The following DMTN variants were observed in gnomAD, a reference collection of about 807,000 sequenced individuals.
DMTN encodes dematin actin binding protein.
A neutral mutation model predicts 59.4 loss-of-function variants in DMTN; 27 were observed. That is an observed-to-expected ratio of 0.45 (90% CI 0.33 to 0.63). The LOEUF (loss-of-function observed/expected upper bound fraction) is 0.63. Among genes scored for constraint, DMTN ranks in the 20% least tolerant of loss-of-function variants. DMTN has a pLI of 0.02. For missense variants in DMTN, 451 were observed against 528.9 expected, an observed-to-expected ratio of 0.85 and a Z score of 1.45; for synonymous variants, 221 against 203.7, an observed-to-expected ratio of 1.08 and a Z score of -0.72.
In DMTN at chr8:22,082,465, G is replaced by A; in HGVS notation, c.*1002G>A. The A allele has an allele frequency of 3.1e-6, 1 of 322,352 alleles. No homozygotes were observed. Among genetic ancestry groups the A allele is most frequent in the African/African-American group, 2.2e-5 (1 of 46,418 alleles). The allele number at this position is 322,352 out of a possible 1,614,324, so 20.0% of individuals were successfully genotyped here. A position where few individuals can be genotyped will look rare whatever the true frequency, so the allele number is the denominator to read the frequency against. On this transcript the variant is annotated 3_prime_UTR_variant, in exon 16 of 16. Coordinates refer to ENST00000358242, the MANE Select transcript of DMTN (RefSeq NM_001387751.1). ...ACCCTGACATCCCTTTCCACTGTGT[G>A]TGTGACCATGCTGGGGGAGGGGGAC...
upstream of DMTN, among the ~76,000 whole-genome samples, chr8:22,051,815 T>G (rs1362840199): frequency 2.0e-5 from 3 of 152,080 alleles, no homozygotes; most frequent in African/African-American, 7.2e-5. Context: ...TGCCCTCCAG[T>G]CCAGTACATC....
chr8:22,069,731 G>A, intron 6 of DMTN, 150 bp from the exon 7 acceptor site: 2 of 1,000,596 alleles, frequency 2.0e-6, no homozygotes, highest in South Asian at 1.5e-5. Context: ...AAACCCCTGA[G>A]GGGCAGTGCC....
chr8:22,051,948 C>G (rs1215837450), upstream of DMTN, among the ~76,000 whole-genome samples: 4 of 152,226 alleles, frequency 2.6e-5, no homozygotes, highest in African/African-American at 7.2e-5. Flanking sequence ...TCTCCCTATT[C>G]GGCCCTAGCC....
In DMTN at chr8:22,066,756, C is replaced by G. The variant is rs1810961639; in HGVS notation, c.-120C>G. On this transcript the variant is annotated 5_prime_UTR_variant, in exon 2 of 16. Coordinates refer to ENST00000358242, the MANE Select transcript of DMTN (RefSeq NM_001387751.1). ...GGACGCGCCAGCCCGGGGGAACGCG[C>G]CAGCTGCTTTCGCGGCCCCAAGCGC... 1 of 1,174,230 alleles carries G rather than the reference C, an allele frequency of 8.5e-7. No individual in the cohort carries two copies. Among genetic ancestry groups the G allele is most frequent in the Non-Finnish European group, 1.1e-6 (1 of 899,176 alleles). The allele number at this position is 1,174,230 out of a possible 1,614,324, so 72.7% of individuals were successfully genotyped here.
At chr8:22,080,098 TG>T in intron 10 of DMTN, 81 bp from the exon 11 acceptor site, 1 of 1,523,452 alleles carries the variant, frequency 6.6e-7, no homozygotes, top group Non-Finnish European at 9.1e-7. Flanking sequence ...GCCCCAGCTG[TG>T]GAAGGCCAGT....
intron 1 of DMTN, among the ~76,000 whole-genome samples, chr8:22,064,879 G>A (rs758930704): frequency 1.3e-5 from 2 of 152,242 alleles, no homozygotes; most frequent in African/African-American, 2.4e-5. Context: ...ACTGTGAATC[G>A]TGCTGAAGAC....
At chr8:22,066,086 C>T (rs1224593435) in intron 1 of DMTN, among the ~76,000 whole-genome samples, 1 of 152,138 alleles carries the variant, frequency 6.6e-6, no homozygotes, top group African/African-American at 2.4e-5. Context: ...TCAAGCAATC[C>T]TCCTGCCTCA....
intron 1 of DMTN, among the ~76,000 whole-genome samples, chr8:22,059,989 G>T (rs1805167126): frequency 6.6e-6 from 1 of 152,076 alleles, no homozygotes; most frequent in South Asian, 2.1e-4. Context: ...TGGGTGAGGT[G>T]GGGCTGGGCT....
intron 2 of DMTN, 82 bp downstream of exon 2, chr8:22,066,975 C>A (rs1310394377): frequency 3.2e-6 from 4 of 1,241,302 alleles, no homozygotes; most frequent in Non-Finnish European, 4.1e-6. Context: ...TGGTGGCCAC[C>A]CGCCGCGCAG....
chr8:22,061,572 G>A (rs56212467), intron 1 of DMTN, among the ~76,000 whole-genome samples: 15,082 of 151,906 alleles, frequency 0.099, 1,366 homozygotes, highest in African/African-American at 0.25. Flanking sequence ...CACACTCTGT[G>A]CCCCTCCCCC....
Position 22,082,450 on chromosome 8 carries a change from C to T in DMTN, c.*987C>T, listed in dbSNP as rs1824761293. On this transcript the variant is annotated 3_prime_UTR_variant, in exon 16 of 16. Coordinates refer to ENST00000358242, the MANE Select transcript of DMTN (RefSeq NM_001387751.1). ...ATTGCTCCTGCCCAGACCCTGACAT[C>T]CCTTTCCACTGTGTGTGTGACCATG... The T allele has an allele frequency of 2.9e-6, 1 of 342,536 alleles. No individual in the cohort carries two copies. 21.2% of individuals were successfully genotyped at this position (342,536 alleles called of 1,614,324 possible). A position where few individuals can be genotyped will look rare whatever the true frequency, so the allele number is the denominator to read the frequency against.
chr8:22,064,587 T>C (rs1396117207), intron 1 of DMTN, among the ~76,000 whole-genome samples: 3 of 152,070 alleles, frequency 2.0e-5, no homozygotes, highest in Admixed American at 6.6e-5. Flanking sequence ...GCCTCCTGAG[T>C]AGCTGGGACT....
Position 22,069,907 on chromosome 8 carries a change from T to C in DMTN, c.421T>C (p.Tyr141His). 6.2e-7 allele frequency: 1 copy of C among 1,614,028 alleles called. No homozygotes were observed. The highest frequency in any genetic ancestry group is 8.5e-7 in the Non-Finnish European group (1 of 1,179,992). Residue 141 changes from tyrosine (Y) to histidine (H), a missense_variant, in exon 7 of 16, where the codon TAC becomes CAC. Tyr to His is a moderately conservative substitution (Grantham distance 83). Coordinates refer to ENST00000358242, the MANE Select transcript of DMTN (RefSeq NM_001387751.1). ...GACCTCCCGCCCAGATTCCAACATC[T>C]ACAAGAAGCCTCCCATCTATAAGCA... ...PETSRPDSNI[Y>H]KKPPIYKQRE...
rs1411088643 is a variant in DMTN at position 22,072,430 on chromosome 8, C to G, written c.709C>G (p.Gln237Glu). 6.3e-7 allele frequency: 1 copy of G among 1,575,164 alleles called. No homozygotes were observed. The highest frequency in any genetic ancestry group is 2.3e-5 in the East Asian group (1 of 42,916). ...GEEMKALRER[Q>E]REELSKVTSN... ...GGAGATGAAGGCTCTCAGGGAGCGT[C>G]AGAGAGAGGAACTCAGTAAGGTAGC... Residue 237 changes from glutamine (Q) to glutamate (E), a missense_variant, in exon 9 of 16, where the codon CAG (glutamine) becomes GAG (glutamate). Gln to Glu is a conservative substitution (Grantham distance 29). Transcript: ENST00000358242.
At chr8:22,071,487 T>C (rs1320591719) in intron 8 of DMTN, among the ~76,000 whole-genome samples, 2 of 151,050 alleles carry the variant, frequency 1.3e-5, no homozygotes, top group African/African-American at 4.9e-5. Context: ...TTCTACCACC[T>C]GAGTTCAAGC....
At position 22,073,949 on chromosome 8, in the gene DMTN, G is replaced by A. The variant is rs896164594; in HGVS notation, c.835+114G>A. 10 of 763,060 alleles carry A rather than the reference G, an allele frequency of 1.3e-5. No individual in the cohort carries two copies. The African/African-American group carries it at 1.4e-4, about 11-fold the overall frequency. The allele number at this position is 763,060 out of a possible 1,614,324, so 47.3% of individuals were successfully genotyped here. A position where few individuals can be genotyped will look rare whatever the true frequency, so the allele number is the denominator to read the frequency against. ...GCAATCCCTGACCCAAAGCACGGCT[G>A]CTCTCTTGGGAGCAAGAATCCCAGT... is the stretch of plus-strand genomic sequence containing the variant. On this transcript the variant is annotated intron_variant, in intron 10 of 15. Transcript: ENST00000358242.
intron 5 of DMTN, 76 bp from the exon 6 acceptor site, chr8:22,069,343 T>G: frequency 8.1e-7 from 1 of 1,234,592 alleles, no homozygotes. Flanking sequence ...ACAGAGAGGG[T>G]GGTGTGAGCT....
chr8:22,078,063 A>G (rs894163887), intron 10 of DMTN, among the ~76,000 whole-genome samples: 4 of 152,102 alleles, frequency 2.6e-5, no homozygotes, highest in Admixed American at 1.3e-4. Context: ...AACAGATTTC[A>G]TAAGAGTATT....
chr8:22,066,566 G>A (rs1810810342), intron 1 of DMTN, 139 bp from the exon 2 acceptor site: 3 of 276,400 alleles, frequency 1.1e-5, no homozygotes, highest in South Asian at 1.5e-4. Context: ...GTCGCCTCCC[G>A]TCCACGCGCG....
Sources: gnomAD v4.1 joint callset for allele counts (sites outside exome capture counted in the v4.1 genomes callset) on GRCh38, gnomAD v4.1.1 for gene constraint, MANE v1.5 for transcripts, NCBI Gene and HGNC (gene_info 2026-07-23, HGNC 2026-07-21) for gene names.